CACNB4: variants seen among roughly 807,000 people sequenced by gnomAD.
CACNB4 encodes voltage-dependent L-type calcium channel subunit beta-4.
In CACNB4, 32 loss-of-function variants were observed where a neutral mutation model predicts 71.2. That is an observed-to-expected ratio of 0.45 (90% CI 0.34 to 0.60). The LOEUF (loss-of-function observed/expected upper bound fraction) is 0.60, where lower values mean the gene tolerates loss of function less well. Ranked by LOEUF, CACNB4 falls within the 20% of genes least tolerant of loss-of-function variation. The pLI is 0.01. For synonymous variants in CACNB4, 231 were observed against 236.9 expected, an observed-to-expected ratio of 0.97 and a Z score of 0.23; for missense variants, 464 against 647.9, an observed-to-expected ratio of 0.72 and a Z score of 3.08.
chr2:151,867,022 G>A (rs904471990), intron 9 of CACNB4: 5 of 152,232 alleles, frequency 3.3e-5, no homozygotes, highest in African/African-American at 1.2e-4. Flanking sequence ...CAGGATTGAG[G>A]AAGAACATCA....
chr2:152,000,491 G>A (rs934298206), intron 2 of CACNB4, among the ~76,000 whole-genome samples: 4 of 152,212 alleles, frequency 2.6e-5, no homozygotes, highest in African/African-American at 9.6e-5. Flanking sequence ...ACTGGAACAT[G>A]ATATTCCATA....
intron 2 of CACNB4, among the ~76,000 whole-genome samples, chr2:151,951,709 G>A (rs1420250283): frequency 6.6e-6 from 1 of 152,176 alleles, no homozygotes; most frequent in Non-Finnish European, 1.5e-5. Context: ...CCTGCAGACT[G>A]CAGCAGTTGG....
At chr2:152,015,730 A>G (rs1250944374) in intron 2 of CACNB4, among the ~76,000 whole-genome samples, 5 of 152,244 alleles carry the variant, frequency 3.3e-5, no homozygotes, top group Admixed American at 2.6e-4. Context: ...CGAAGATGAC[A>G]GAGAGAGCAA....
At chr2:151,858,993 G>A (rs924521400) in intron 10 of CACNB4, 2 of 152,110 alleles carry the variant, frequency 1.3e-5, no homozygotes, top group African/African-American at 4.8e-5. Flanking sequence ...CTGTGTGTGG[G>A]TTATGTCTTT....
At chr2:152,073,821 A>G (rs929792019) in intron 2 of CACNB4, among the ~76,000 whole-genome samples, 6 of 152,224 alleles carry the variant, frequency 3.9e-5, no homozygotes, top group African/African-American at 1.4e-4. Flanking sequence ...ATCCTCTAGC[A>G]TTAAACGCTC....
At chr2:151,956,973 C>T (rs1354801438) in intron 2 of CACNB4, among the ~76,000 whole-genome samples, 3 of 152,242 alleles carry the variant, frequency 2.0e-5, no homozygotes, top group East Asian at 1.9e-4. Context: ...AGGCGAAACC[C>T]AGTCTCTATT....
Position 151,998,315 on chromosome 2 carries a change from C to CAAAAAAAA in CACNB4, c.147+100007_147+100014dup, listed in dbSNP as rs70974815. Reference sequence around the variant, plus strand: ...AATCCAGCCTGGGCAACTCCATCTCCAAAAAAAAAAAAAAAAAAAAAAAAA... The same window carrying CAAAAAAAA: ...AATCCAGCCTGGGCAACTCCATCTCCAAAAAAAAAAAAAAAAAAAAAAAAAAAAAAAAA... On this transcript the variant is annotated intron_variant, in intron 2 of 13. Transcript: ENST00000539935. Among the ~76,000 whole-genome samples the CAAAAAAAA allele has an allele frequency of 1.2e-3, 129 of 110,686 alleles. 4 individuals are homozygous for CAAAAAAAA. Among genetic ancestry groups the CAAAAAAAA allele is most frequent in the African/African-American group, 4.8e-3 (119 of 24,964 alleles). 72.6% of individuals were successfully genotyped at this position (110,686 alleles called of 152,430 possible). A position where few individuals can be genotyped will look rare whatever the true frequency, so the allele number is the denominator to read the frequency against.
At chr2:152,063,200 A>G (rs1686114902) in intron 2 of CACNB4, among the ~76,000 whole-genome samples, 1 of 152,202 alleles carries the variant, frequency 6.6e-6, no homozygotes. Context: ...AAATTTAGTT[A>G]TTCTCAACCA....
At chr2:152,014,929 G>A (rs1033220808) in intron 2 of CACNB4, among the ~76,000 whole-genome samples, 3 of 152,064 alleles carry the variant, frequency 2.0e-5, no homozygotes, top group African/African-American at 4.8e-5. Flanking sequence ...TTAATCAAAA[G>A]GACAAAAACA....
chr2:151,963,311 CAA>C (rs71410446), intron 2 of CACNB4, among the ~76,000 whole-genome samples: 1,072 of 60,336 alleles, frequency 0.018, 4 homozygotes, highest in African/African-American at 0.059. Context: ...GACACCGTCT[CAA>C]AAAAAAAAAA....
At chr2:151,892,051 T>G (rs1223902411) in intron 2 of CACNB4, among the ~76,000 whole-genome samples, 1 of 152,166 alleles carries the variant, frequency 6.6e-6, no homozygotes, top group Admixed American at 6.5e-5. Context: ...TAATCTAGTT[T>G]CAGCAGAGAC....
At position 151,927,360 on chromosome 2, in the gene CACNB4, A is replaced by G. The variant is rs559629125; in HGVS notation, c.148-43990T>C. ...GGGGAGAGGCTGGGCTAAGATAGGT[A>G]TGTGGGCCACTCGTGCAGTTATAGG... On this transcript the variant is annotated intron_variant, in intron 2 of 13. Transcript: ENST00000539935. Among the ~76,000 whole-genome samples, 4 of 152,284 alleles carry G rather than the reference A, an allele frequency of 2.6e-5. No individual in the cohort carries two copies. The East Asian group carries it at 7.7e-4, about 29-fold the overall frequency.
At chr2:151,923,609 T>C (rs1244811597) in intron 2 of CACNB4, among the ~76,000 whole-genome samples, 4 of 152,236 alleles carry the variant, frequency 2.6e-5, no homozygotes, top group African/African-American at 9.6e-5. Context: ...ATATCAGTCT[T>C]GGCCAGATAA....
At chr2:151,957,257 C>CGTGTATGTATGT (rs3068823) in intron 2 of CACNB4, among the ~76,000 whole-genome samples, 1 of 131,788 alleles carries the variant, frequency 7.6e-6, no homozygotes, top group Admixed American at 7.8e-5. Context: ...AGTGGCTGGG[C>CGTGTATGTATGT]GTGTGTGTGT....
intron 2 of CACNB4, among the ~76,000 whole-genome samples, chr2:152,078,027 C>A (rs1275138136): frequency 6.6e-6 from 1 of 152,068 alleles, no homozygotes; most frequent in East Asian, 1.9e-4. Flanking sequence ...AGAGAGACGG[C>A]GGTGGCGCAA....
chr2:152,016,824 A>C (rs1683373233), intron 2 of CACNB4, among the ~76,000 whole-genome samples: 1 of 152,194 alleles, frequency 6.6e-6, no homozygotes, highest in Non-Finnish European at 1.5e-5. Flanking sequence ...TATTCATAGT[A>C]ATAATAGCTG....
chr2:151,958,572 C>T (rs1043071277), intron 2 of CACNB4, among the ~76,000 whole-genome samples: 4 of 152,134 alleles, frequency 2.6e-5, no homozygotes, highest in Admixed American at 1.3e-4. Context: ...TCACCTAAGC[C>T]GAAAGTGGGA....
At chr2:151,911,587 T>C (rs925784581) in intron 2 of CACNB4, among the ~76,000 whole-genome samples, 4 of 152,246 alleles carry the variant, frequency 2.6e-5, no homozygotes, top group African/African-American at 9.6e-5. Flanking sequence ...CAGTATTTTA[T>C]TGAGGATTTT....
chr2:152,031,887 C>A (rs1560147807), intron 2 of CACNB4, among the ~76,000 whole-genome samples: 1 of 152,158 alleles, frequency 6.6e-6, no homozygotes, highest in Non-Finnish European at 1.5e-5. Flanking sequence ...TGGCATTAGG[C>A]TCTCTAAAAG....
Sources: gnomAD v4.1 joint callset for allele counts (sites outside exome capture counted in the v4.1 genomes callset) on GRCh38, gnomAD v4.1.1 for gene constraint, MANE v1.5 for transcripts, NCBI Gene and HGNC (gene_info 2026-07-23, HGNC 2026-07-21) for gene names.